Variants in CA8 observed in about 807,000 individuals in gnomAD.
CA8 encodes carbonic anhydrase-related protein.
CA8 carries 22 observed loss-of-function variants against 41.4 expected under a neutral mutation model. That is an observed-to-expected ratio of 0.53 (90% CI 0.38 to 0.76). The LOEUF is 0.76. Ranked by LOEUF, CA8 falls within the 30% of genes least tolerant of loss-of-function variation. The probability of loss-of-function intolerance (pLI) is 0.00; values close to 1 mark genes in which losing one functional copy is unlikely to be tolerated. For synonymous variants in CA8, 121 were observed against 130.6 expected (o/e 0.93, Z 0.50); for missense variants, 270 against 352.8 (o/e 0.77, Z 1.88).
In CA8 at chr8:60,208,834, C is replaced by A; in HGVS notation, c.824G>T (p.Arg275Leu). Residue 275 changes from arginine to leucine, a missense_variant, in exon 8 of 9, where the codon CGG becomes CTG. By Grantham distance (102) the Arg-to-Leu change is moderately radical. Around this residue, in one of 3 missense-constraint regions of CA8, gnomAD observed 141 missense variants for 191.6 expected, o/e 0.74. Coordinates refer to ENST00000317995, the MANE Select transcript of CA8 (RefSeq NM_004056.6). The part of the protein sequence containing the change: ...GCDGILGDNF[R>L]PTQPLSDRVI... ...TCTGTCACTAAGAGGCTGAGTGGGC[C>A]GAAAGTTGTCTCCCAAAATCCCATC... 6.2e-7 allele frequency: 1 copy of A among 1,614,080 alleles called. No individual in the cohort carries two copies. The highest frequency in any genetic ancestry group is 8.5e-7 in the Non-Finnish European group (1 of 1,180,008).
chr8:60,277,044 T>C (rs550369834), intron 2 of CA8, among the ~76,000 whole-genome samples: 1 of 149,612 alleles, frequency 6.7e-6, no homozygotes, highest in East Asian at 2.0e-4. Context: ...CACTTGAACC[T>C]GGGAGGTGGA....
At chr8:60,204,287 A>C (rs1806516228) in intron 8 of CA8, among the ~76,000 whole-genome samples, 2 of 152,216 alleles carry the variant, frequency 1.3e-5, no homozygotes, top group African/African-American at 2.4e-5. Flanking sequence ...TATATTCTTT[A>C]GGTTTAAAAT....
chr8:60,228,783 T>C (rs1807534330), intron 4 of CA8, among the ~76,000 whole-genome samples: 1 of 152,232 alleles, frequency 6.6e-6, no homozygotes. Flanking sequence ...AATATAGTTT[T>C]TCCATATAGT....
rs542574570 is a variant in CA8, at chr8:60,226,963, C to A, written c.514-28G>T. The A allele has an allele frequency of 3.3e-6, 5 of 1,529,998 alleles. No individual in the cohort carries two copies. The South Asian group carries it at 5.6e-5, about 17-fold the overall frequency. 94.8% of individuals were successfully genotyped at this position (1,529,998 alleles called of 1,614,324 possible). A position where few individuals can be genotyped will look rare whatever the true frequency, so the allele number is the denominator to read the frequency against. On this transcript the variant is annotated intron_variant, in intron 4 of 8. Coordinates refer to ENST00000317995, the MANE Select transcript of CA8 (RefSeq NM_004056.6). ...GAAAAACATAAAGCATAAACCACAA[C>A]CACAACATTTTTCAGTGTTTAGCTT...
intron 2 of CA8, among the ~76,000 whole-genome samples, chr8:60,269,736 G>C (rs1804009807): frequency 6.6e-6 from 1 of 152,168 alleles, no homozygotes; most frequent in Non-Finnish European, 1.5e-5. Flanking sequence ...ACCTGGCCCT[G>C]TGCTGGCCAC....
intron 3 of CA8, among the ~76,000 whole-genome samples, chr8:60,252,004 A>G (rs1808469148): frequency 6.6e-6 from 1 of 152,230 alleles, no homozygotes; most frequent in South Asian, 2.1e-4. Context: ...AGTCTCTATT[A>G]AAATTTAGAT....
chr8:60,250,612 C>T (rs1388530221), intron 3 of CA8, among the ~76,000 whole-genome samples: 2 of 152,200 alleles, frequency 1.3e-5, no homozygotes, highest in Non-Finnish European at 1.5e-5. Flanking sequence ...TAAAGGGCAT[C>T]ACTTCTTATG....
intron 2 of CA8, among the ~76,000 whole-genome samples, chr8:60,268,915 G>A (rs1803983063): frequency 6.6e-6 from 1 of 152,194 alleles, no homozygotes; most frequent in Non-Finnish European, 1.5e-5. Context: ...ACACTGAGAA[G>A]GGAAGTGTTT....
chr8:60,244,413 A>G (rs976274743), intron 3 of CA8, among the ~76,000 whole-genome samples: 1 of 152,224 alleles, frequency 6.6e-6, no homozygotes, highest in Non-Finnish European at 1.5e-5. Context: ...CACGCAATGC[A>G]TTCACTAAAT....
At chr8:60,230,187 T>A (rs1264107055) in intron 4 of CA8, among the ~76,000 whole-genome samples, 1 of 152,210 alleles carries the variant, frequency 6.6e-6, no homozygotes, top group African/African-American at 2.4e-5. Context: ...CGGCCCCATG[T>A]GTGTCCACAC....
chr8:60,257,343 C>T (rs1808674662), intron 3 of CA8, among the ~76,000 whole-genome samples: 1 of 152,198 alleles, frequency 6.6e-6, no homozygotes, highest in African/African-American at 2.4e-5. Flanking sequence ...AATCCCAATC[C>T]CACCTTTGAT....
At chr8:60,218,318 T>A (rs1030273106) in intron 7 of CA8, among the ~76,000 whole-genome samples, 9 of 151,928 alleles carry the variant, frequency 5.9e-5, no homozygotes, top group African/African-American at 1.9e-4. Flanking sequence ...TTTTTTTTTT[T>A]ATGTACACCT....
At chr8:60,279,651 T>C (rs1804344943) in intron 2 of CA8, 38 bp downstream of exon 2, 2 of 1,552,146 alleles carry the variant, frequency 1.3e-6, no homozygotes, top group Non-Finnish European at 1.8e-6. Flanking sequence ...CGCTGACTTC[T>C]AGTTTAAAAG....
At chr8:60,242,798 G>A (rs1307956486) in intron 3 of CA8, among the ~76,000 whole-genome samples, 1 of 152,232 alleles carries the variant, frequency 6.6e-6, no homozygotes, top group Non-Finnish European at 1.5e-5. Flanking sequence ...CAGAATCCGA[G>A]TCAGAGAAGT....
At chr8:60,250,997 A>T (rs1808423081) in intron 3 of CA8, among the ~76,000 whole-genome samples, 1 of 152,218 alleles carries the variant, frequency 6.6e-6, no homozygotes, top group Admixed American at 6.5e-5. Flanking sequence ...TATGGTATAC[A>T]TGTAATAATA....
chr8:60,246,632 A>G (rs1443203804), intron 3 of CA8, among the ~76,000 whole-genome samples: 3 of 152,020 alleles, frequency 2.0e-5, no homozygotes, highest in Admixed American at 6.6e-5. Flanking sequence ...CAATTAAAAA[A>G]CTTTATTTGT....
chr8:60,277,023 G>A (rs1365132132), intron 2 of CA8, among the ~76,000 whole-genome samples: 1 of 151,872 alleles, frequency 6.6e-6, no homozygotes, highest in Non-Finnish European at 1.5e-5. Context: ...GGGAGGCTGA[G>A]GCAAGAGAAT....
chr8:60,223,175 A>T (rs914803977), intron 6 of CA8, among the ~76,000 whole-genome samples: 3 of 152,238 alleles, frequency 2.0e-5, no homozygotes, highest in African/African-American at 7.2e-5. Flanking sequence ...TATTAATGTT[A>T]TATTTCAGAT....
chr8:60,240,779 A>G (rs1024903601), intron 3 of CA8, among the ~76,000 whole-genome samples: 1 of 152,304 alleles, frequency 6.6e-6, no homozygotes, highest in Middle Eastern at 3.4e-3. Flanking sequence ...ATAGATTCTG[A>G]GTTCCAGAAG....
Sources: allele counts gnomAD v4.1 joint callset (sites outside exome capture counted in the v4.1 genomes callset), GRCh38; gene constraint gnomAD v4.1.1; regional missense constraint gnomAD v4.1.1; transcripts MANE v1.5; gene names NCBI Gene and HGNC (gene_info 2026-07-23, HGNC 2026-07-21).